The following OSBPL10 variants were observed in gnomAD, a reference collection of about 807,000 sequenced individuals.
OSBPL10 encodes oxysterol binding protein like 10.
In OSBPL10, 49 loss-of-function variants were observed where a neutral mutation model predicts 81.7. That is an observed-to-expected ratio of 0.60 (90% confidence interval 0.48 to 0.76). The LOEUF is 0.76. Ranked by LOEUF, OSBPL10 falls within the 30% of genes least tolerant of loss-of-function variation. OSBPL10 has a pLI of 0.00. For missense variants in OSBPL10, 923 were observed against 987.8 expected (o/e 0.93, Z 0.88); for synonymous variants, 419 against 383.6 (o/e 1.09, Z -1.08).
chr3:31,857,685 A>G (rs1575585910), intron 3 of OSBPL10, among the ~76,000 whole-genome samples: 2 of 107,126 alleles, frequency 1.9e-5, no homozygotes, highest in East Asian at 5.2e-4. Context: ...CTAAATCCCT[A>G]TATACTTTCA....
At chr3:31,672,367 G>A (rs1173595425) in intron 8 of OSBPL10, among the ~76,000 whole-genome samples, 4 of 120,694 alleles carry the variant, frequency 3.3e-5, no homozygotes, top group Admixed American at 1.8e-4. Flanking sequence ...GGGGCGGGGG[G>A]GGGGGCAGGA....
intron 6 of OSBPL10, among the ~76,000 whole-genome samples, chr3:31,705,671 T>C (rs1696041198): frequency 6.6e-6 from 1 of 152,232 alleles, no homozygotes; most frequent in African/African-American, 2.4e-5. Context: ...TTCTAAGTGC[T>C]GTTTTCCATA....
intron 3 of OSBPL10, among the ~76,000 whole-genome samples, chr3:31,862,583 T>C (rs931398712): frequency 4.6e-5 from 7 of 152,136 alleles, no homozygotes; most frequent in African/African-American, 1.4e-4. Flanking sequence ...AAATAACTCA[T>C]ATGACTCAAT....
intron 1 of OSBPL10, among the ~76,000 whole-genome samples, chr3:32,070,793 C>A (rs1368627155): frequency 1.3e-5 from 2 of 152,196 alleles, no homozygotes; most frequent in African/African-American, 4.8e-5. Flanking sequence ...GTCCTCAATA[C>A]CTTCCTCCAC....
intron 2 of OSBPL10, among the ~76,000 whole-genome samples, chr3:32,028,926 G>GAA (rs201594298): frequency 0.21 from 14,346 of 67,040 alleles, 2,090 homozygotes; most frequent in South Asian, 0.27. Context: ...TAGCTAGTCA[G>GAA]GACACACACA....
chr3:31,847,584 T>A (rs1032323919), intron 3 of OSBPL10, among the ~76,000 whole-genome samples: 1 of 152,138 alleles, frequency 6.6e-6, no homozygotes, highest in African/African-American at 2.4e-5. Flanking sequence ...AATCCATATC[T>A]GTGTTGACTC....
intron 1 of OSBPL10, among the ~76,000 whole-genome samples, chr3:32,068,995 C>T (rs371153586): frequency 3.9e-5 from 6 of 152,134 alleles, no homozygotes; most frequent in Non-Finnish European, 8.8e-5. Context: ...TCCCCACACC[C>T]GGTCTGGTTT....
intron 4 of OSBPL10, among the ~76,000 whole-genome samples, chr3:31,755,897 A>G (rs967752742): frequency 6.6e-6 from 1 of 152,192 alleles, no homozygotes; most frequent in African/African-American, 2.4e-5. Context: ...GTTCCAAGAA[A>G]CTGATTCCTT....
At chr3:31,993,348 A>G (rs1699055030) in intron 2 of OSBPL10, among the ~76,000 whole-genome samples, 1 of 151,940 alleles carries the variant, frequency 6.6e-6, no homozygotes, top group Non-Finnish European at 1.5e-5. Context: ...AGCTGGGATT[A>G]CAGGCATGCG....
intron 4 of OSBPL10, among the ~76,000 whole-genome samples, chr3:31,781,399 G>C (rs1330779148): frequency 1.3e-5 from 2 of 152,106 alleles, no homozygotes; most frequent in Non-Finnish European, 2.9e-5. Flanking sequence ...CTGAGAACTG[G>C]AACAAGACAA....
intron 1 of OSBPL10, among the ~76,000 whole-genome samples, chr3:31,979,403 C>A (rs150989067): frequency 9.9e-5 from 15 of 152,266 alleles, no homozygotes; most frequent in African/African-American, 3.1e-4. Flanking sequence ...TTCAAAAGAC[C>A]TCTTCCTCCA....
intron 5 of OSBPL10, among the ~76,000 whole-genome samples, chr3:31,739,121 G>A (rs945687355): frequency 2.6e-5 from 4 of 152,024 alleles, no homozygotes; most frequent in Non-Finnish European, 4.4e-5. Flanking sequence ...GCTATTCACA[G>A]GTGTGATCAC....
At chr3:31,937,167 C>A (rs1697398653) in intron 1 of OSBPL10, among the ~76,000 whole-genome samples, 1 of 151,954 alleles carries the variant, frequency 6.6e-6, no homozygotes, top group African/African-American at 2.4e-5. Flanking sequence ...GCCTGTAGTC[C>A]CAGCTACTCA....
intron 11 of OSBPL10, chr3:31,662,658 A>G: frequency 3.0e-6 from 3 of 985,998 alleles, no homozygotes; most frequent in Non-Finnish European, 3.6e-6. Context: ...ACTATACTGA[A>G]TAACTGTGCT....
intron 1 of OSBPL10, among the ~76,000 whole-genome samples, chr3:31,933,318 C>G (rs1697299774): frequency 6.6e-6 from 1 of 152,080 alleles, no homozygotes; most frequent in Admixed American, 6.6e-5. Flanking sequence ...GACTCATTTG[C>G]TAAGGGCCAC....
At chr3:31,945,015 G>A (rs1697655765) in intron 1 of OSBPL10, among the ~76,000 whole-genome samples, 1 of 151,604 alleles carries the variant, frequency 6.6e-6, no homozygotes, top group South Asian at 2.1e-4. Context: ...GCTGGGCGTG[G>A]TGGCACACAT....
At chr3:31,826,907 G>A (rs192164441) in intron 4 of OSBPL10, among the ~76,000 whole-genome samples, 32 of 152,188 alleles carry the variant, frequency 2.1e-4, no homozygotes, top group African/African-American at 7.5e-4. Context: ...AAAGGGGCTC[G>A]GCACCCTAAA....
intron 5 of OSBPL10, among the ~76,000 whole-genome samples, chr3:31,745,353 A>T (rs935314317): frequency 4.1e-4 from 63 of 152,226 alleles, no homozygotes; most frequent in Non-Finnish European, 7.2e-4. Context: ...CTTACTCTTA[A>T]GTGGTTAGAA....
At chr3:31,688,153 T>C (rs970114109) in intron 7 of OSBPL10, among the ~76,000 whole-genome samples, 3 of 151,726 alleles carry the variant, frequency 2.0e-5, no homozygotes, top group African/African-American at 7.3e-5. Flanking sequence ...CCAACTCTCC[T>C]CCACACAACA....
Sources: gnomAD v4.1 joint callset for allele counts (sites outside exome capture counted in the v4.1 genomes callset) on GRCh38, gnomAD v4.1.1 for gene constraint, MANE v1.5 for transcripts, NCBI Gene and HGNC (gene_info 2026-07-23, HGNC 2026-07-21) for gene names.